Variants in CHD1L observed in about 807,000 individuals in gnomAD.
CHD1L encodes the protein ATP-dependent chromatin remodeler CHD1L.
CHD1L carries 118 observed loss-of-function variants against 115.9 expected under a neutral mutation model. The observed-to-expected ratio is 1.02, with a 90% CI of 0.88 to 1.19. CHD1L has a LOEUF of 1.19. Among genes scored for constraint, CHD1L ranks in the 50% most tolerant of loss-of-function variants. The pLI is 0.00. For missense variants in CHD1L, 1,179 were observed against 1,065.3 expected, an observed-to-expected ratio of 1.11 and a Z score of -1.49; for synonymous variants, 411 against 387.1, an observed-to-expected ratio of 1.06 and a Z score of -0.72.
the CHD1L span, among the ~76,000 whole-genome samples, chr1:147,190,592 G>A: frequency 8.5e-5 from 13 of 152,134 alleles, 1 homozygote; most frequent in African/African-American, 2.9e-4. Context: ...AAAGTTAAAG[G>A]GCAGGGGAGT....
intron 1 of CHD1L, among the ~76,000 whole-genome samples, chr1:147,245,362 C>G (rs1170501437): frequency 6.6e-6 from 1 of 152,152 alleles, no homozygotes; most frequent in African/African-American, 2.4e-5. Context: ...ACAGAGCATT[C>G]ATTTTGTTAT....
chr1:147,207,208 G>A, the CHD1L span, among the ~76,000 whole-genome samples: 4 of 151,970 alleles, frequency 2.6e-5, no homozygotes, highest in East Asian at 5.8e-4. Flanking sequence ...TGACTGCAAC[G>A]TACTCAAATG....
At chr1:147,293,538 C>A in intron 20 of CHD1L, 70 bp from the exon 21 acceptor site, 1 of 1,325,448 alleles carries the variant, frequency 7.5e-7, no homozygotes, top group Non-Finnish European at 1.1e-6. Context: ...GTGCCGCCTC[C>A]ATGGGCGGTC....
the CHD1L span, among the ~76,000 whole-genome samples, chr1:147,228,010 T>TTA: frequency 5.2e-4 from 1 of 1,914 alleles, no homozygotes. Flanking sequence ...TGGAGGCCAC[T>TTA]TTTTTTTTTT....
the CHD1L span, among the ~76,000 whole-genome samples, chr1:147,232,361 T>C: frequency 6.6e-6 from 1 of 152,188 alleles, no homozygotes; most frequent in Non-Finnish European, 1.5e-5. Context: ...TAATGTCCTC[T>C]GGAATGTGTG....
rs112618269 is a variant in CHD1L, at chr1:147,266,013, C to T, written c.821C>T (p.Thr274Ile). 6.2e-7 allele frequency: 1 copy of T among 1,613,634 alleles called. No homozygotes were observed. The change falls in exon 8 of 23, where the codon ACA becomes ATA. Residue 274 changes from threonine to isoleucine, a missense_variant. Thr to Ile is a moderately conservative substitution (Grantham distance 89). Coordinates refer to ENST00000369258, the MANE Select transcript of CHD1L (RefSeq NM_004284.6). ...AEVATELPKK[T>I]EVVIYHGMSA... The stretch of plus-strand genomic sequence containing the variant: ...GTAGCTACAGAGCTTCCCAAGAAGA[C>T]AGAAGTAGTGATATACCATGGCATG...
the CHD1L span, chr1:147,224,468 G>T: frequency 6.3e-6 from 1 of 159,922 alleles, no homozygotes; most frequent in East Asian, 1.8e-4. Context: ...GATCAATAAA[G>T]GTGGCTGGTA....
chr1:147,222,203 T>G, the CHD1L span, among the ~76,000 whole-genome samples: 1 of 152,108 alleles, frequency 6.6e-6, no homozygotes, highest in Admixed American at 6.5e-5. Flanking sequence ...AACCCCATCT[T>G]TACTAAAAAT....
intron 1 of CHD1L, among the ~76,000 whole-genome samples, chr1:147,245,818 C>G (rs1342555681): frequency 1.3e-5 from 2 of 152,024 alleles, no homozygotes; most frequent in Non-Finnish European, 2.9e-5. Context: ...GCTGGGACTA[C>G]AGGCATGAGT....
rs36008075 is a variant in CHD1L at position 147,264,478 on chromosome 1, A to G, written c.633A>G (p.Gln211=). ...GAACTCCCATCCAGAACAGCCTCCA[A>G]GAGCTCTACTCCCTCCTCAGTTTTG... ...LTGTPIQNSL[Q]ELYSLLSFVE... Residue 211 remains glutamine, a synonymous_variant, in exon 7 of 23, where the codon CAA becomes CAG. Coordinates refer to ENST00000369258, the MANE Select transcript of CHD1L (RefSeq NM_004284.6). 22,210 of 1,613,812 alleles carry G rather than the reference A, an allele frequency of 0.014. 246 individuals carry two copies. The highest frequency in any genetic ancestry group is 0.039 in the Middle Eastern group (235 of 6,058).
chr1:147,286,040 G>T (rs782436059), intron 17 of CHD1L, among the ~76,000 whole-genome samples: 24 of 152,126 alleles, frequency 1.6e-4, no homozygotes, highest in Non-Finnish European at 3.2e-4. Flanking sequence ...ATCTGACAAA[G>T]AATAATTTAC....
chr1:147,293,642 C>T lies in CHD1L; in HGVS notation c.2426C>T (p.Ser809Phe). Residue 809 changes from serine to phenylalanine, a missense_variant, in exon 21 of 23, where the codon TCC becomes TTC. Physicochemically the swap from Ser to Phe is radical, Grantham distance 155. Transcript: ENST00000369258. ...ALIVAQHRDRSNVLSGIKMAA... is the reference protein window; with the variant it reads ...ALIVAQHRDRFNVLSGIKMAA... Reference sequence around the variant, plus strand: ...ATTGTGGCTCAGCATCGTGATCGTTCCAATGTCCTGTCTGGCATTAAGATG... The same window carrying T: ...ATTGTGGCTCAGCATCGTGATCGTTTCAATGTCCTGTCTGGCATTAAGATG... 1 of 1,614,130 alleles carries T rather than the reference C, an allele frequency of 6.2e-7. No homozygotes were observed. Among genetic ancestry groups the T allele is most frequent in the Non-Finnish European group, 8.5e-7 (1 of 1,180,010 alleles).
At chr1:147,249,117 G>A (rs972720220) in intron 1 of CHD1L, among the ~76,000 whole-genome samples, 11 of 152,054 alleles carry the variant, frequency 7.2e-5, no homozygotes, top group African/African-American at 2.2e-4. Flanking sequence ...TAGGTTTGTT[G>A]ATGATAAATT....
chr1:147,282,671 T>C (rs1346253898), intron 15 of CHD1L, among the ~76,000 whole-genome samples: 1 of 152,238 alleles, frequency 6.6e-6, no homozygotes, highest in East Asian at 1.9e-4. Flanking sequence ...ATTTTTAAGT[T>C]ATAATTGATT....
At chr1:147,292,862 C>G (rs1414341291) in intron 20 of CHD1L, among the ~76,000 whole-genome samples, 2 of 152,152 alleles carry the variant, frequency 1.3e-5, no homozygotes, top group African/African-American at 4.8e-5. Flanking sequence ...CCCACTAGGC[C>G]CCACCTCCAA....
At position 147,268,747 on chromosome 1, in the gene CHD1L, G is replaced by A. The variant is rs782660328; in HGVS notation, c.989-35G>A. On this transcript the variant is annotated intron_variant, in intron 9 of 22. Coordinates refer to ENST00000369258, the MANE Select transcript of CHD1L (RefSeq NM_004284.6). ...GCTACTGGCTTCTGCCCTTACTGAG[G>A]GCACATTACTGGGAGTGGGTTCTTT... 8.9e-6 allele frequency: 14 copies of A among 1,568,216 alleles called. No homozygotes were observed. The East Asian group carries it at 1.1e-4, about 13-fold the overall frequency.
the CHD1L span, chr1:147,213,362 T>C: frequency 1.2e-6 from 2 of 1,613,738 alleles, no homozygotes; most frequent in Non-Finnish European, 1.7e-6. Context: ...GTGCAAACCA[T>C]GACTCCATCA....
chr1:147,198,864 A>AT, the CHD1L span, among the ~76,000 whole-genome samples: 3 of 139,348 alleles, frequency 2.2e-5, no homozygotes, highest in East Asian at 6.0e-4. Flanking sequence ...AAAAAAAAAA[A>AT]AAAAAAAAAA....
the CHD1L span, chr1:147,204,645 T>G: frequency 6.3e-7 from 1 of 1,586,192 alleles, no homozygotes; most frequent in Non-Finnish European, 8.6e-7. Context: ...CATCTCCAAC[T>G]TCTTGCTCTT....
Sources: gnomAD v4.1 joint callset for allele counts (sites outside exome capture counted in the v4.1 genomes callset) on GRCh38, gnomAD v4.1.1 for gene constraint, MANE v1.5 for transcripts, NCBI Gene and HGNC (gene_info 2026-07-23, HGNC 2026-07-21) for gene names.